PCDHA5: variants seen among roughly 807,000 people sequenced by gnomAD.
PCDHA5 encodes protocadherin alpha-5.
PCDHA5 carries 43 observed loss-of-function variants against 61.6 expected under a neutral mutation model. The observed-to-expected ratio is 0.70, with a 90% CI of 0.55 to 0.90. The LOEUF (loss-of-function observed/expected upper bound fraction) is 0.90. PCDHA5 is among the 40% of genes least tolerant of loss of function. PCDHA5 has a pLI of 0.00. For synonymous variants in PCDHA5, 627 were observed against 543.9 expected (o/e 1.15, Z -2.13); for missense variants, 1,298 against 1,222.7 (o/e 1.06, Z -0.92).
intron 1 of PCDHA5, among the ~76,000 whole-genome samples, chr5:140,897,323 T>TCCCTCCC (rs2065998893): frequency 1.7e-5 from 2 of 114,654 alleles, no homozygotes; most frequent in South Asian, 6.8e-4. Flanking sequence ...CCTAAAGCTA[T>TCCCTCCC]CCCTCCCCCC....
intron 1 of PCDHA5, among the ~76,000 whole-genome samples, chr5:140,947,713 T>G (rs1252298380): frequency 6.6e-6 from 1 of 151,618 alleles, no homozygotes; most frequent in African/African-American, 2.4e-5. Flanking sequence ...AGTATTGAGG[T>G]TTCAAAAGTT....
At chr5:140,961,558 A>T (rs1285175060) in intron 1 of PCDHA5, among the ~76,000 whole-genome samples, 1 of 151,976 alleles carries the variant, frequency 6.6e-6, no homozygotes, top group Admixed American at 6.6e-5. Context: ...TTCTTTTTTT[A>T]AATTTTGTTT....
In PCDHA5 at chr5:140,877,360, G is replaced by A. The variant is rs199937567; in HGVS notation, c.2352+53233G>A. Reference sequence around the variant, plus strand: ...GTTCCACGTGGGGCTGTACACTGGCGAGATCAGCACGACACGCATCCTGGA... The same window carrying A: ...GTTCCACGTGGGGCTGTACACTGGCAAGATCAGCACGACACGCATCCTGGA... On this transcript the variant is annotated intron_variant, in intron 1 of 3. Coordinates refer to ENST00000529859, the MANE Select transcript of PCDHA5 (RefSeq NM_018908.3). 63 of 1,614,022 alleles carry A rather than the reference G, an allele frequency of 3.9e-5. No individual in the cohort carries two copies. The highest frequency in any genetic ancestry group is 6.7e-5 in the Admixed American group (4 of 60,028).
chr5:140,845,771 A>G (rs1034344709), intron 1 of PCDHA5, among the ~76,000 whole-genome samples: 1 of 149,762 alleles, frequency 6.7e-6, no homozygotes, highest in Admixed American at 6.7e-5. Context: ...GTTAATAGTT[A>G]TAAATTATTA....
intron 1 of PCDHA5, among the ~76,000 whole-genome samples, chr5:140,941,846 C>T (rs2093181493): frequency 6.6e-6 from 1 of 152,178 alleles, no homozygotes; most frequent in Non-Finnish European, 1.5e-5. Flanking sequence ...CTGCCATTAC[C>T]TGATATTCCC....
chr5:140,948,959 C>T (rs1315047565), intron 1 of PCDHA5, among the ~76,000 whole-genome samples: 13 of 151,622 alleles, frequency 8.6e-5, no homozygotes, highest in South Asian at 6.2e-4. Context: ...ATTAAAGCCA[C>T]GAATTTATTA....
In PCDHA5 at chr5:140,823,771, G is replaced by C. The variant is rs2150128985; in HGVS notation, c.1996G>C (p.Val666Leu). The C allele has an allele frequency of 4.5e-5, 73 of 1,613,760 alleles. No homozygotes were observed. The highest frequency in any genetic ancestry group is 6.7e-5 in the African/African-American group (5 of 74,940). Residue 666 changes from valine (V) to leucine (L), a missense_variant, in exon 1 of 4, where the codon GTG becomes CTG. Physicochemically the swap from Val to Leu is conservative, Grantham distance 32. Coordinates refer to ENST00000529859, the MANE Select transcript of PCDHA5 (RefSeq NM_018908.3). ...GCTGACAGCCACAGCCACAGTGCTG[G>C]TGTCGCTGGTGGAAAGTGGCCAGGC... is the stretch of plus-strand genomic sequence containing the variant. ...PPLTATATVLVSLVESGQAPK... is the reference protein window; with the variant it reads ...PPLTATATVLLSLVESGQAPK...
intron 1 of PCDHA5, among the ~76,000 whole-genome samples, chr5:140,888,562 G>C (rs781854673): frequency 9.2e-5 from 14 of 152,112 alleles, no homozygotes; most frequent in Non-Finnish European, 1.8e-4. Context: ...TCCTTTCAAG[G>C]CTTCATTTTA....
chr5:140,876,662 T>G (rs782771484), intron 1 of PCDHA5: 23 of 1,614,114 alleles, frequency 1.4e-5, no homozygotes, highest in Non-Finnish European at 1.9e-5. Context: ...CCCTTCAAGC[T>G]GGTGTCCACC....
Position 140,821,860 on chromosome 5 carries a change from C to CAGCT in PCDHA5, c.86_89dup (p.His31AlafsTer98), listed in dbSNP as rs1193043307. On this transcript the variant is annotated frameshift_variant, in exon 1 of 4. Coordinates refer to ENST00000529859, the MANE Select transcript of PCDHA5 (RefSeq NM_018908.3). LOFTEE classifies it high-confidence loss of function. ...TGCCTACTGGAAGGCAGGGAGCGGC[C>CAGCT]AGCTCCACTACTCGATCCCGGAGGA... The CAGCT allele has an allele frequency of 6.2e-7, 1 of 1,614,076 alleles. No homozygotes were observed. The highest frequency in any genetic ancestry group is 8.5e-7 in the Non-Finnish European group (1 of 1,180,042).
At chr5:140,989,829 C>A (rs1554251113) in intron 3 of PCDHA5, among the ~76,000 whole-genome samples, 3 of 152,124 alleles carry the variant, frequency 2.0e-5, no homozygotes, top group Non-Finnish European at 2.9e-5. Context: ...TGCCAGGAAG[C>A]CTGTCAATGA....
intron 1 of PCDHA5, chr5:140,836,213 G>A (rs2150255570): frequency 1.9e-6 from 3 of 1,613,848 alleles, no homozygotes; most frequent in Non-Finnish European, 2.5e-6. Flanking sequence ...TTTCGTATGA[G>A]TTGCAACCGG....
chr5:140,841,492 G>T, intron 1 of PCDHA5: 1 of 1,613,200 alleles, frequency 6.2e-7, no homozygotes. Flanking sequence ...TGGAGCTGGC[G>T]GAGCTGGTGC....
In PCDHA5 at chr5:140,822,669, T is replaced by G; in HGVS notation, c.894T>G (p.Thr298=). 1 of 1,608,496 alleles carries G rather than the reference T, an allele frequency of 6.2e-7. No homozygotes were observed. The highest frequency in any genetic ancestry group is 1.1e-5 in the South Asian group (1 of 90,746). ...VKSKFIINSN[T]GEIKVNGELD... ...CCAAATTTATAATTAATTCTAATAC[T>G]GGTGAAATAAAAGTTAACGGGGAAC... Residue 298 remains threonine, a synonymous_variant, in exon 1 of 4, where the codon ACT becomes ACG. Transcript: ENST00000529859.
chr5:140,826,083 T>C (rs1190290121), intron 1 of PCDHA5, among the ~76,000 whole-genome samples: 2 of 152,240 alleles, frequency 1.3e-5, no homozygotes, highest in Non-Finnish European at 2.9e-5. Context: ...TTCAATTTTA[T>C]AAGTACCCTT....
At chr5:140,956,098 GA>G (rs2095256801) in intron 1 of PCDHA5, among the ~76,000 whole-genome samples, 1 of 152,160 alleles carries the variant, frequency 6.6e-6, no homozygotes, top group African/African-American at 2.4e-5. Context: ...TGCAAACAAA[GA>G]TAATTTGATT....
chr5:140,928,788 G>A, intron 1 of PCDHA5: 1 of 1,614,214 alleles, frequency 6.2e-7, no homozygotes, highest in South Asian at 1.1e-5. Flanking sequence ...CAGTTAAGCA[G>A]AGGGTGGTGG....
intron 1 of PCDHA5, chr5:140,868,947 A>T: frequency 7.7e-7 from 1 of 1,290,598 alleles, no homozygotes; most frequent in Non-Finnish European, 1.1e-6. Flanking sequence ...CTGAACAGTG[A>T]GGCACTCCCA....
chr5:140,869,562 A>T (rs373044645), intron 1 of PCDHA5: 50 of 1,614,050 alleles, frequency 3.1e-5, no homozygotes, highest in Non-Finnish European at 3.5e-5. Context: ...CGCGTTTTCC[A>T]CTAGAGGGAG....
Sources: gnomAD v4.1 joint callset for allele counts (sites outside exome capture counted in the v4.1 genomes callset) on GRCh38, gnomAD v4.1.1 for gene constraint, MANE v1.5 for transcripts, NCBI Gene and HGNC (gene_info 2026-07-23, HGNC 2026-07-21) for gene names.